Variants in LRRC8C observed in about 807,000 individuals in gnomAD.
LRRC8C encodes volume-regulated anion channel subunit LRRC8C.
Under a neutral mutation model 55.3 loss-of-function variants are expected in LRRC8C, and 20 were observed. The ratio of observed to expected loss-of-function variants is 0.36; its 90% CI spans 0.25 to 0.53. LRRC8C has a LOEUF of 0.53. LRRC8C is among the 20% of genes least tolerant of loss of function. The pLI is 0.92. For synonymous variants in LRRC8C, 376 were observed against 360.7 expected (o/e 1.04, Z -0.48); for missense variants, 659 against 951.4 (o/e 0.69, Z 4.04).
At chr1:89,672,283 G>A (rs1468535228) in intron 1 of LRRC8C, among the ~76,000 whole-genome samples, 1 of 152,024 alleles carries the variant, frequency 6.6e-6, no homozygotes, top group Non-Finnish European at 1.5e-5. Context: ...AACATATACT[G>A]TCAGAGTGAC....
chr1:89,713,595 T>G lies in LRRC8C; in HGVS notation c.1025T>G (p.Phe342Cys). 1 of 1,614,182 alleles carries G rather than the reference T, an allele frequency of 6.2e-7. No homozygotes were observed. The highest frequency in any genetic ancestry group is 8.5e-7 in the Non-Finnish European group (1 of 1,180,026). ...LTCLYTLYWL[F>C]YRSLREYSFE... ...TGCCTTTATACCTTATACTGGCTGT[T>G]CTACCGTTCTCTACGGGAATATTCC... is the stretch of plus-strand genomic sequence containing the variant. Residue 342 changes from phenylalanine (F) to cysteine (C), a missense_variant, in exon 3 of 3, where the codon TTC becomes TGC. By Grantham distance (205) the Phe-to-Cys change is radical. Coordinates refer to ENST00000370454, the MANE Select transcript of LRRC8C (RefSeq NM_032270.5). The surrounding 1 kb of genome is among the most constrained non-coding windows in gnomAD (Gnocchi z 5.2).
At chr1:89,626,452 A>G in the LRRC8C span, 1 of 152,022 alleles carries the variant, frequency 6.6e-6, no homozygotes, top group Non-Finnish European at 1.5e-5. Context: ...CCATCCCCCA[A>G]TTTCACACGC....
intron 1 of LRRC8C, among the ~76,000 whole-genome samples, chr1:89,652,813 G>A (rs909193525): frequency 6.6e-6 from 1 of 152,008 alleles, no homozygotes; most frequent in Admixed American, 6.6e-5. Flanking sequence ...AGGGGGAATC[G>A]TTGCAATATA....
At chr1:89,625,637 CA>C in the LRRC8C span, among the ~76,000 whole-genome samples, 1 of 152,162 alleles carries the variant, frequency 6.6e-6, no homozygotes, top group African/African-American at 2.4e-5. Flanking sequence ...CCTAAACATA[CA>C]AAGCACCGTC....
At chr1:89,650,113 A>G (rs1218121719) in intron 1 of LRRC8C, among the ~76,000 whole-genome samples, 1 of 152,232 alleles carries the variant, frequency 6.6e-6, no homozygotes, top group Non-Finnish European at 1.5e-5. Context: ...ACCCATTCCT[A>G]TAGGATACAA....
Position 89,713,066 on chromosome 1 carries a change from T to C in LRRC8C, c.496T>C (p.Phe166Leu). 6.2e-7 allele frequency: 1 copy of C among 1,613,538 alleles called. No individual in the cohort carries two copies. The highest frequency in any genetic ancestry group is 8.5e-7 in the Non-Finnish European group (1 of 1,180,030). Reference sequence around the variant, plus strand: ...TTTCATCTCCATTCTGGGGAAGTGTTTTGACTCTCCTTGGACCACACGGGC... The same window carrying C: ...TTTCATCTCCATTCTGGGGAAGTGTCTTGACTCTCCTTGGACCACACGGGC... ...EHFISILGKC[F>L]DSPWTTRALS... is the part of the protein sequence containing the mutation. Residue 166 changes from phenylalanine (F) to leucine (L), a missense_variant, in exon 3 of 3, where the codon TTT becomes CTT. Coordinates refer to ENST00000370454, the MANE Select transcript of LRRC8C (RefSeq NM_032270.5). This position sits in a 1 kb window ranked among gnomAD's most constrained non-coding sequence, Gnocchi z 5.2.
At chr1:89,637,637 C>T (rs1210879300) in intron 1 of LRRC8C, among the ~76,000 whole-genome samples, 1 of 152,022 alleles carries the variant, frequency 6.6e-6, no homozygotes, top group Non-Finnish European at 1.5e-5. Context: ...CTAATGTCAC[C>T]TTGGACATCT....
intron 2 of LRRC8C, among the ~76,000 whole-genome samples, chr1:89,699,919 G>C (rs1177386060): frequency 6.6e-6 from 1 of 152,110 alleles, no homozygotes; most frequent in African/African-American, 2.4e-5. Flanking sequence ...GTTCAGCCTT[G>C]AAACACAGTC....
In LRRC8C at chr1:89,716,594, A is replaced by G. The variant is rs1334758399; in HGVS notation, c.*1612A>G. On this transcript the variant is annotated 3_prime_UTR_variant, in exon 3 of 3. Coordinates refer to ENST00000370454, the MANE Select transcript of LRRC8C (RefSeq NM_032270.5). ...GACTATTAAGCATGTAGAACAGGAA[A>G]ATGAAATACACTATTTGTGCCCTTG... 1 of 152,192 alleles carries G rather than the reference A, an allele frequency of 6.6e-6. No individual in the cohort carries two copies. 9.4% of individuals were successfully genotyped at this position (152,192 alleles called of 1,614,324 possible). A position where few individuals can be genotyped will look rare whatever the true frequency, so the allele number is the denominator to read the frequency against.
At chr1:89,646,158 G>C (rs1656609795) in intron 1 of LRRC8C, among the ~76,000 whole-genome samples, 1 of 151,920 alleles carries the variant, frequency 6.6e-6, no homozygotes, top group Non-Finnish European at 1.5e-5. Context: ...TATTAAATAA[G>C]ACAAATGTTG....
chr1:89,659,923 A>G (rs537605990), intron 1 of LRRC8C, among the ~76,000 whole-genome samples: 4 of 152,342 alleles, frequency 2.6e-5, no homozygotes, highest in Admixed American at 2.6e-4. Context: ...AGTTGAGAAT[A>G]TAAATAACCC....
intron 1 of LRRC8C, among the ~76,000 whole-genome samples, chr1:89,644,698 A>G (rs1229114573): frequency 6.6e-6 from 1 of 151,908 alleles, no homozygotes; most frequent in Admixed American, 6.5e-5. Flanking sequence ...TCCTAGGGGG[A>G]AAAAAGTCAC....
chr1:89,699,130 T>C (rs532761056), intron 2 of LRRC8C, among the ~76,000 whole-genome samples: 1 of 152,170 alleles, frequency 6.6e-6, no homozygotes, highest in Non-Finnish European at 1.5e-5. Flanking sequence ...GAAGCTAATC[T>C]TAAAAGGATA....
chr1:89,691,114 T>C (rs1658016711), intron 2 of LRRC8C, among the ~76,000 whole-genome samples: 1 of 152,132 alleles, frequency 6.6e-6, no homozygotes, highest in South Asian at 2.1e-4. Flanking sequence ...GGGTGTTAGA[T>C]GCTAAAAGAA....
At chr1:89,639,524 C>T (rs116418879) in intron 1 of LRRC8C, among the ~76,000 whole-genome samples, 2 of 152,132 alleles carry the variant, frequency 1.3e-5, no homozygotes, top group South Asian at 4.1e-4. Flanking sequence ...TCCCTTCCCC[C>T]CCAACAACTC....
chr1:89,641,949 C>T (rs1029435280), intron 1 of LRRC8C, among the ~76,000 whole-genome samples: 1 of 152,202 alleles, frequency 6.6e-6, no homozygotes, highest in Non-Finnish European at 1.5e-5. Flanking sequence ...TTTATGTGAT[C>T]AAGGCATTCG....
intron 1 of LRRC8C, among the ~76,000 whole-genome samples, chr1:89,676,079 A>G (rs1185635745): frequency 6.6e-6 from 1 of 152,258 alleles, no homozygotes; most frequent in African/African-American, 2.4e-5. Context: ...TATCATATAC[A>G]TATAGCTGAA....
At chr1:89,671,198 CAT>C (rs552727759) in intron 1 of LRRC8C, among the ~76,000 whole-genome samples, 10 of 152,170 alleles carry the variant, frequency 6.6e-5, no homozygotes, top group Admixed American at 2.6e-4. Flanking sequence ...CCAGTAGTCA[CAT>C]ATTCTACTAT....
Position 89,710,572 on chromosome 1 carries a change from A to G in LRRC8C, c.139-2137A>G, listed in dbSNP as rs148402120. Reference sequence around the variant, plus strand: ...TTGAAGACCACTGCTGAATTCTCACATCTCAGTAGCCACCAAATCCTCTAA... The same window carrying G: ...TTGAAGACCACTGCTGAATTCTCACGTCTCAGTAGCCACCAAATCCTCTAA... On this transcript the variant is annotated intron_variant, in intron 2 of 2. Coordinates refer to ENST00000370454, the MANE Select transcript of LRRC8C (RefSeq NM_032270.5). Among the ~76,000 whole-genome samples, 374 of 152,350 alleles carry G rather than the reference A, an allele frequency of 2.5e-3. 1 individual carries two copies. Among genetic ancestry groups the G allele is most frequent in the African/African-American group, 8.4e-3 (348 of 41,572 alleles).
Sources: gnomAD v4.1 joint callset for allele counts (sites outside exome capture counted in the v4.1 genomes callset) on GRCh38, gnomAD v4.1.1 for gene constraint, Gnocchi (gnomAD v3.1) non-coding constraint, MANE v1.5 for transcripts, NCBI Gene and HGNC (gene_info 2026-07-23, HGNC 2026-07-21) for gene names.